Variants in FER observed in about 807,000 individuals in gnomAD.
The protein encoded by FER is FER tyrosine kinase.
A neutral mutation model predicts 111.0 loss-of-function variants in FER; 63 were observed. The ratio of observed to expected loss-of-function variants is 0.57; its 90% confidence interval spans 0.46 to 0.70. The LOEUF is 0.70. Ranked by LOEUF, FER falls within the 30% of genes least tolerant of loss-of-function variation. FER has a pLI of 0.00. For synonymous variants in FER, 327 were observed against 313.9 expected (o/e 1.04, Z -0.44); for missense variants, 914 against 954.0 (o/e 0.96, Z 0.55).
chr5:108,914,231 C>CTGTG lies in FER; in HGVS notation c.1236+16411_1236+16414dup, dbSNP rs35365353. Among the ~76,000 whole-genome samples the CTGTG allele has an allele frequency of 7.5e-3, 1,064 of 141,236 alleles. 11 individuals carry two copies. The highest frequency in any genetic ancestry group is 0.024 in the African/African-American group (937 of 39,136). 92.7% of individuals were successfully genotyped at this position (141,236 alleles called of 152,430 possible). Reference sequence around the variant, plus strand: ...ATGAAAGCATGCTTAACTTGTCTCTCTGTGTGTGTGTGTGTGTGTGTGTGT... The same window carrying CTGTG: ...ATGAAAGCATGCTTAACTTGTCTCTCTGTGTGTGTGTGTGTGTGTGTGTGTGTGT... On this transcript the variant is annotated intron_variant, in intron 10 of 19. Transcript: ENST00000281092.
At chr5:108,957,874 A>G in intron 12 of FER, among the ~76,000 whole-genome samples, 1 of 151,626 alleles carries the variant, frequency 6.6e-6, no homozygotes, top group East Asian at 1.9e-4. Context: ...TGAGACACTG[A>G]GAGATCTTTC....
intron 17 of FER, among the ~76,000 whole-genome samples, chr5:109,103,232 A>T (rs1480256786): frequency 6.6e-6 from 1 of 152,114 alleles, no homozygotes; most frequent in African/African-American, 2.4e-5. Context: ...TCTAGCAAAA[A>T]TTTTAAATCT....
intron 13 of FER, among the ~76,000 whole-genome samples, chr5:109,030,768 G>A (rs1212046235): frequency 1.3e-5 from 2 of 152,096 alleles, no homozygotes; most frequent in Admixed American, 6.6e-5. Context: ...CTCCCGTTAG[G>A]CACACTGCCC....
intron 13 of FER, among the ~76,000 whole-genome samples, chr5:108,970,707 A>C (rs1760533228): frequency 6.6e-6 from 1 of 152,156 alleles, no homozygotes; most frequent in Non-Finnish European, 1.5e-5. Context: ...AATGAACTTG[A>C]AGTAGGTCTT....
chr5:109,122,249 C>T (rs973336174), intron 17 of FER, among the ~76,000 whole-genome samples: 1 of 152,022 alleles, frequency 6.6e-6, no homozygotes, highest in Non-Finnish European at 1.5e-5. Context: ...CTGTATCTTA[C>T]AGGTTTTAGT....
chr5:108,877,850 A>G (rs559758117), intron 8 of FER, among the ~76,000 whole-genome samples: 2 of 152,140 alleles, frequency 1.3e-5, no homozygotes, highest in Non-Finnish European at 2.9e-5. Flanking sequence ...TTATGATATG[A>G]AAAGTGTTGG....
intron 17 of FER, among the ~76,000 whole-genome samples, chr5:109,150,615 G>A (rs535347594): frequency 2.0e-5 from 3 of 152,250 alleles, no homozygotes; most frequent in Admixed American, 1.3e-4. Flanking sequence ...CATTGGCCTG[G>A]CTAGCTCTTA....
intron 10 of FER, among the ~76,000 whole-genome samples, chr5:108,927,450 C>T (rs1353491127): frequency 6.6e-6 from 1 of 151,590 alleles, no homozygotes; most frequent in Non-Finnish European, 1.5e-5. Flanking sequence ...TTAGTAGAGA[C>T]GGGGTTCACC....
chr5:108,859,658 A>C (rs1763322563), intron 5 of FER, among the ~76,000 whole-genome samples: 1 of 152,182 alleles, frequency 6.6e-6, no homozygotes, highest in Non-Finnish European at 1.5e-5. Flanking sequence ...AGATTTGGAC[A>C]TGGTACATCA....
chr5:109,169,302 T>A (rs569743825), intron 17 of FER, among the ~76,000 whole-genome samples: 21 of 152,262 alleles, frequency 1.4e-4, no homozygotes, highest in Middle Eastern at 3.4e-3. Context: ...CTTTCCTGAC[T>A]ATGGAAAGAA....
intron 17 of FER, among the ~76,000 whole-genome samples, chr5:109,126,609 G>T (rs908811250): frequency 5.9e-5 from 9 of 152,182 alleles, no homozygotes; most frequent in African/African-American, 2.2e-4. Context: ...AACTTACAGT[G>T]AATAGAGACA....
intron 13 of FER, among the ~76,000 whole-genome samples, chr5:108,991,847 CT>C (rs1320981225): frequency 6.9e-6 from 1 of 145,962 alleles, no homozygotes; most frequent in Non-Finnish European, 1.5e-5. Context: ...ATTCTATTTC[CT>C]TTTCTTTGTA....
At chr5:109,052,449 G>T (rs953980070) in intron 16 of FER, 4 of 1,265,688 alleles carry the variant, frequency 3.2e-6, no homozygotes, top group Non-Finnish European at 3.5e-6. Flanking sequence ...AAGTGCTCCA[G>T]TCACGCATGT....
intron 16 of FER, among the ~76,000 whole-genome samples, chr5:109,077,944 A>G (rs1776540923): frequency 1.3e-5 from 2 of 152,314 alleles, no homozygotes; most frequent in Middle Eastern, 3.4e-3. Flanking sequence ...CACTTTACAC[A>G]GGAGGAAATT....
chr5:108,993,254 G>A (rs1313401737), intron 13 of FER, among the ~76,000 whole-genome samples: 1 of 152,256 alleles, frequency 6.6e-6, no homozygotes, highest in Non-Finnish European at 1.5e-5. Context: ...GCACCATTGA[G>A]CACTGAGTGA....
chr5:109,025,529 A>T (rs1008357652), intron 13 of FER, among the ~76,000 whole-genome samples: 1 of 151,832 alleles, frequency 6.6e-6, no homozygotes, highest in African/African-American at 2.4e-5. Flanking sequence ...GGCTGAGACA[A>T]TGGGGTTTTC....
At chr5:109,053,893 A>G (rs560006583) in intron 16 of FER, among the ~76,000 whole-genome samples, 31 of 151,792 alleles carry the variant, frequency 2.0e-4, no homozygotes, top group South Asian at 2.1e-4. Context: ...GGGTTTCACC[A>G]TGTTAGCCAG....
intron 1 of FER, among the ~76,000 whole-genome samples, chr5:108,757,682 T>G (rs532950844): frequency 6.6e-6 from 1 of 152,316 alleles, no homozygotes; most frequent in East Asian, 1.9e-4. Context: ...CTCCATCCCT[T>G]CTGTCGCACC....
At chr5:109,115,614 G>A (rs2126446908) in intron 17 of FER, among the ~76,000 whole-genome samples, 1 of 152,170 alleles carries the variant, frequency 6.6e-6, no homozygotes, top group East Asian at 1.9e-4. Context: ...CTGTAAGTAA[G>A]TTTCCTGCTA....
Sources: allele counts gnomAD v4.1 joint callset (sites outside exome capture counted in the v4.1 genomes callset), GRCh38; gene constraint gnomAD v4.1.1; transcripts MANE v1.5; gene names NCBI Gene and HGNC (gene_info 2026-07-23, HGNC 2026-07-21).